Variants in INSC observed in about 807,000 individuals in gnomAD.
INSC encodes the protein INSC spindle orientation adaptor protein.
Under a neutral mutation model 58.6 loss-of-function variants are expected in INSC, and 67 were observed. That is an observed-to-expected ratio of 1.14 (90% CI 0.94 to 1.40). The LOEUF is 1.40. Ranked by LOEUF, INSC falls within the 40% of genes most tolerant of loss-of-function variation. INSC has a pLI of 0.00. For missense variants in INSC, 714 were observed against 692.0 expected (o/e 1.03, Z -0.36); for synonymous variants, 262 against 276.1 (o/e 0.95, Z 0.51).
intron 6 of INSC, among the ~76,000 whole-genome samples, chr11:15,200,415 C>T (rs1850537693): frequency 6.6e-6 from 1 of 152,066 alleles, no homozygotes; most frequent in Admixed American, 6.6e-5. Flanking sequence ...CAGTTCCTTC[C>T]ACCTGCCTCA....
At position 15,145,080 on chromosome 11, in the gene INSC, G is replaced by T. The variant is rs75975118; in HGVS notation, c.-45-4050G>T. On this transcript the variant is annotated intron_variant, in intron 1 of 12. Transcript: ENST00000379556. ...ATGTGTCCTTTTCACCTCTCTTCCTGGGAAAAGCAGCAACTCTGCTCTGAG... is the reference window on the plus strand; with the variant it reads ...ATGTGTCCTTTTCACCTCTCTTCCTTGGAAAAGCAGCAACTCTGCTCTGAG... 4.4e-3 allele frequency among the ~76,000 whole-genome samples: 673 copies of T among 152,230 alleles called. 2 individuals carry two copies. The highest frequency in any genetic ancestry group is 0.014 in the African/African-American group (599 of 41,524).
At chr11:15,169,647 T>G (rs927516567) in intron 2 of INSC, among the ~76,000 whole-genome samples, 11 of 152,178 alleles carry the variant, frequency 7.2e-5, no homozygotes, top group African/African-American at 2.2e-4. Flanking sequence ...GTTCAAGTGA[T>G]TCTCCTGCCT....
the INSC span, among the ~76,000 whole-genome samples, chr11:15,263,757 G>A: frequency 2.0e-5 from 3 of 152,202 alleles, no homozygotes; most frequent in Non-Finnish European, 2.9e-5. Flanking sequence ...GGCTCTTATC[G>A]GAAGGCTTTG....
chr11:15,255,930 G>A, the INSC span, among the ~76,000 whole-genome samples: 1 of 152,118 alleles, frequency 6.6e-6, no homozygotes, highest in African/African-American at 2.4e-5. Flanking sequence ...TTGCCTATGT[G>A]GTTAACATGG....
intron 1 of INSC, among the ~76,000 whole-genome samples, chr11:15,138,577 A>G (rs1476735416): frequency 6.6e-6 from 1 of 152,090 alleles, no homozygotes; most frequent in Non-Finnish European, 1.5e-5. Context: ...TATTTAATAT[A>G]TTTTGCTTTT....
intron 12 of INSC, among the ~76,000 whole-genome samples, chr11:15,241,006 G>C (rs1945617): frequency 6.6e-6 from 1 of 152,148 alleles, no homozygotes; most frequent in East Asian, 1.9e-4. Context: ...GAAGGAACAT[G>C]ACAAGACAGA....
At chr11:15,115,587 C>G (rs1029686770) in intron 1 of INSC, among the ~76,000 whole-genome samples, 1 of 152,172 alleles carries the variant, frequency 6.6e-6, no homozygotes, top group Non-Finnish European at 1.5e-5. Context: ...CTGACTAACC[C>G]CATCTGGCTA....
upstream of INSC, chr11:15,112,584 G>T: frequency 6.7e-7 from 1 of 1,494,670 alleles, no homozygotes; most frequent in Admixed American, 1.8e-5. Flanking sequence ...CTGGGAAGGT[G>T]GATGTGAGTG....
At chr11:15,245,618 C>A (rs535541195) in intron 12 of INSC, among the ~76,000 whole-genome samples, 1 of 152,138 alleles carries the variant, frequency 6.6e-6, no homozygotes, top group Non-Finnish European at 1.5e-5. Flanking sequence ...TAAGGTTACT[C>A]TAGGGATCTG....
At chr11:15,210,924 G>A (rs566355776) in intron 7 of INSC, among the ~76,000 whole-genome samples, 13 of 152,240 alleles carry the variant, frequency 8.5e-5, no homozygotes, top group Non-Finnish European at 1.6e-4. Flanking sequence ...CACTGACAGT[G>A]CAGCATGGAC....
chr11:15,207,290 T>G (rs975971525), intron 7 of INSC, among the ~76,000 whole-genome samples: 1 of 152,208 alleles, frequency 6.6e-6, no homozygotes, highest in African/African-American at 2.4e-5. Context: ...AGCATCCTTT[T>G]ATTCTCACTC....
intron 2 of INSC, among the ~76,000 whole-genome samples, chr11:15,151,154 G>T (rs892803109): frequency 6.6e-6 from 1 of 152,130 alleles, no homozygotes; most frequent in Non-Finnish European, 1.5e-5. Context: ...GTGAGTGGCC[G>T]GCAAGAGCAA....
the INSC span, among the ~76,000 whole-genome samples, chr11:15,264,739 C>CT: frequency 6.6e-6 from 1 of 152,138 alleles, no homozygotes; most frequent in South Asian, 2.1e-4. Flanking sequence ...CCAAGGTACT[C>CT]TTTTTCAAAG....
chr11:15,237,575 G>A (rs1852178253), intron 10 of INSC, among the ~76,000 whole-genome samples: 1 of 152,176 alleles, frequency 6.6e-6, no homozygotes, highest in Non-Finnish European at 1.5e-5. Flanking sequence ...GGCAGGATTT[G>A]AGGAATCAAC....
chr11:15,166,041 G>A (rs1311535606), intron 2 of INSC, among the ~76,000 whole-genome samples: 1 of 152,136 alleles, frequency 6.6e-6, no homozygotes, highest in Non-Finnish European at 1.5e-5. Context: ...CCAGAACAAG[G>A]CCTGGAACAT....
intron 1 of INSC, among the ~76,000 whole-genome samples, chr11:15,146,673 T>G (rs1187008921): frequency 6.6e-6 from 1 of 152,242 alleles, no homozygotes; most frequent in Non-Finnish European, 1.5e-5. Flanking sequence ...TGTTTTGCCT[T>G]GTTCCTGCTG....
the INSC span, among the ~76,000 whole-genome samples, chr11:15,261,983 A>G: frequency 6.6e-6 from 1 of 152,112 alleles, no homozygotes; most frequent in Admixed American, 6.6e-5. Context: ...ACTGGACCTC[A>G]GGGAGGGGAC....
rs184885375 is a variant in INSC, at chr11:15,211,428, A to G, written c.820-10049A>G. 1.0e-3 allele frequency among the ~76,000 whole-genome samples: 152 copies of G among 152,346 alleles called. 3 individuals carry two copies. Among genetic ancestry groups the G allele is most frequent in the African/African-American group, 3.6e-3 (148 of 41,582 alleles). On this transcript the variant is annotated intron_variant, in intron 7 of 12. Coordinates refer to ENST00000379556, the MANE Select transcript of INSC (RefSeq NM_001042536.3). ...TTTTCTTATTGATGTATAAACTTTG[A>G]AAAACACGTTCTACATATAAATTCT...
intron 7 of INSC, among the ~76,000 whole-genome samples, chr11:15,214,328 C>T (rs1851134728): frequency 6.6e-6 from 1 of 152,188 alleles, no homozygotes; most frequent in African/African-American, 2.4e-5. Context: ...ATCTCTAGGT[C>T]ACTCTCCTGC....
Sources: gnomAD v4.1 joint callset for allele counts (sites outside exome capture counted in the v4.1 genomes callset) on GRCh38, gnomAD v4.1.1 for gene constraint, MANE v1.5 for transcripts, NCBI Gene and HGNC (gene_info 2026-07-23, HGNC 2026-07-21) for gene names.